NRG3: variants seen among roughly 807,000 people sequenced by gnomAD.
The protein encoded by NRG3 is neuregulin 3.
Under a neutral mutation model 66.9 loss-of-function variants are expected in NRG3, and 31 were observed. The observed-to-expected ratio is 0.46, with a 90% CI of 0.35 to 0.63. NRG3 has a LOEUF of 0.63. Among genes scored for constraint, NRG3 ranks in the 20% least tolerant of loss-of-function variants. NRG3 has a pLI of 0.00. For missense variants in NRG3, 910 were observed against 878.9 expected, an observed-to-expected ratio of 1.04 and a Z score of -0.45; for synonymous variants, 393 against 359.4, an observed-to-expected ratio of 1.09 and a Z score of -1.06.
chr10:82,402,146 A>T (rs573279694), intron 2 of NRG3, among the ~76,000 whole-genome samples: 1 of 152,232 alleles, frequency 6.6e-6, no homozygotes, highest in South Asian at 2.1e-4. Context: ...TTAGCCTCTT[A>T]TGTTATCATA....
At position 81,875,929 on chromosome 10, in the gene NRG3, A is replaced by C; in HGVS notation, c.589A>C (p.Thr197Pro). Residue 197 changes from threonine (T) to proline (P), a missense_variant, in exon 1 of 9, where the codon ACG (threonine) becomes CCG (proline). Thr to Pro is a conservative substitution (Grantham distance 38). Transcript: ENST00000372141. The surrounding 1 kb of genome is among the most constrained non-coding windows in gnomAD (Gnocchi z 5.3). The part of the protein sequence containing the change: ...TAAPATVPST[T>P]APFFSSSTLG... ...GGCCCCTGCGACGGTCCCGTCCACC[A>C]CGGCCCCGTTCTTCAGTAGCAGCAC... 1.2e-6 allele frequency: 2 copies of C among 1,613,498 alleles called. No individual in the cohort carries two copies. Among genetic ancestry groups the C allele is most frequent in the Non-Finnish European group, 1.7e-6 (2 of 1,179,990 alleles).
At chr10:82,320,868 A>C (rs2081533693) in intron 1 of NRG3, among the ~76,000 whole-genome samples, 1 of 152,108 alleles carries the variant, frequency 6.6e-6, no homozygotes, top group African/African-American at 2.4e-5. Flanking sequence ...TATCTGCTAT[A>C]CTTTGCTCAT....
rs932953590 is a variant in NRG3, at chr10:82,228,136, A to G, written c.824-130603A>G. Reference sequence around the variant, plus strand: ...CCCAGACCCCATAGAGAGACCTGGGACACTTCTAATTTATGAATGCAATTT... The same window carrying G: ...CCCAGACCCCATAGAGAGACCTGGGGCACTTCTAATTTATGAATGCAATTT... On this transcript the variant is annotated intron_variant, in intron 1 of 8. Transcript: ENST00000372141. Among the ~76,000 whole-genome samples, 11 of 152,202 alleles carry G rather than the reference A, an allele frequency of 7.2e-5. No homozygotes were observed. The East Asian group carries it at 9.6e-4, about 13-fold the overall frequency.
Position 82,693,497 on chromosome 10 carries a change from C to T in NRG3, c.954-45080C>T, listed in dbSNP as rs536205096. ...CCTGGTACACATCGTGGCTCCATGT[C>T]TTACCAGCGGTGTGACTGTGTGTGA... is the stretch of plus-strand genomic sequence containing the variant. On this transcript the variant is annotated intron_variant, in intron 2 of 8. Coordinates refer to ENST00000372141, the MANE Select transcript of NRG3 (RefSeq NM_001010848.4). Among the ~76,000 whole-genome samples the T allele has an allele frequency of 1.4e-3, 219 of 152,308 alleles. 1 individual carries two copies. The highest frequency in any genetic ancestry group is 6.8e-3 in the Middle Eastern group (2 of 294).
chr10:81,911,228 A>G (rs1290485484), intron 1 of NRG3, among the ~76,000 whole-genome samples: 1 of 152,190 alleles, frequency 6.6e-6, no homozygotes, highest in East Asian at 1.9e-4. Context: ...AAAATGTGCC[A>G]GTTAGTCAAG....
intron 3 of NRG3, among the ~76,000 whole-genome samples, chr10:82,746,001 G>A (rs772622428): frequency 7.9e-5 from 12 of 152,088 alleles, no homozygotes; most frequent in Admixed American, 2.6e-4. Context: ...AAGTGAGCTT[G>A]CCTCAGCCTC....
intron 2 of NRG3, among the ~76,000 whole-genome samples, chr10:82,628,113 A>T (rs1009486286): frequency 6.6e-6 from 1 of 152,188 alleles, no homozygotes; most frequent in Admixed American, 6.5e-5. Flanking sequence ...ACACTACATT[A>T]TATTGTGAGG....
intron 2 of NRG3, among the ~76,000 whole-genome samples, chr10:82,727,673 A>G (rs2057677398): frequency 6.6e-6 from 1 of 152,180 alleles, no homozygotes; most frequent in African/African-American, 2.4e-5. Flanking sequence ...TGAGGCCTTC[A>G]CACAGAGTCC....
intron 2 of NRG3, among the ~76,000 whole-genome samples, chr10:82,469,086 T>C (rs758688033): frequency 6.6e-6 from 1 of 152,148 alleles, no homozygotes; most frequent in Non-Finnish European, 1.5e-5. Flanking sequence ...CCTAAATAAG[T>C]TTGTAAGGGA....
intron 1 of NRG3, among the ~76,000 whole-genome samples, chr10:82,038,291 T>C (rs985350274): frequency 3.9e-5 from 6 of 152,142 alleles, no homozygotes; most frequent in African/African-American, 1.4e-4. Flanking sequence ...TCCTTTACTG[T>C]CTATACACGG....
intron 1 of NRG3, among the ~76,000 whole-genome samples, chr10:81,909,297 T>A (rs183888316): frequency 1.3e-5 from 2 of 152,318 alleles, no homozygotes; most frequent in Admixed American, 1.3e-4. Context: ...AGTCTGACCT[T>A]ATTTTCATTG....
chr10:82,018,139 C>T (rs528807786), intron 1 of NRG3, among the ~76,000 whole-genome samples: 8 of 152,162 alleles, frequency 5.3e-5, no homozygotes, highest in South Asian at 2.1e-4. Flanking sequence ...ATCCAGTTTC[C>T]GCTTTCTACC....
chr10:82,242,762 ATGT>A (rs1363404752), intron 1 of NRG3, among the ~76,000 whole-genome samples: 1 of 152,132 alleles, frequency 6.6e-6, no homozygotes, highest in Admixed American at 6.6e-5. Flanking sequence ...TGTTTCCCAA[ATGT>A]TGTGTTTCTG....
At chr10:82,095,995 C>T (rs2066315291) in intron 1 of NRG3, among the ~76,000 whole-genome samples, 1 of 152,042 alleles carries the variant, frequency 6.6e-6, no homozygotes, top group Non-Finnish European at 1.5e-5. Context: ...AGAAACTGAC[C>T]TGCATAATGT....
At chr10:82,749,177 G>T (rs111849603) in intron 3 of NRG3, among the ~76,000 whole-genome samples, 246 of 152,164 alleles carry the variant, frequency 1.6e-3, no homozygotes, top group Non-Finnish European at 3.0e-3. Flanking sequence ...GGAAGGCTTT[G>T]CTGCAAGCCA....
chr10:82,420,535 T>C (rs930356873), intron 2 of NRG3, among the ~76,000 whole-genome samples: 2 of 152,106 alleles, frequency 1.3e-5, no homozygotes, highest in African/African-American at 4.8e-5. Flanking sequence ...AAGTATCTTT[T>C]CCTCCCAGAA....
chr10:82,623,124 T>C (rs1432429421), intron 2 of NRG3, among the ~76,000 whole-genome samples: 1 of 152,174 alleles, frequency 6.6e-6, no homozygotes, highest in Non-Finnish European at 1.5e-5. Flanking sequence ...ACAATGGCAA[T>C]GCCAACTGAA....
At chr10:82,731,472 A>C (rs2134652512) in intron 2 of NRG3, among the ~76,000 whole-genome samples, 1 of 151,990 alleles carries the variant, frequency 6.6e-6, no homozygotes, top group East Asian at 1.9e-4. Flanking sequence ...TCTCTGCTTC[A>C]GTGAGTTCAA....
chr10:82,418,467 A>T (rs2088789249), intron 2 of NRG3, among the ~76,000 whole-genome samples: 1 of 152,128 alleles, frequency 6.6e-6, no homozygotes, highest in Non-Finnish European at 1.5e-5. Flanking sequence ...TGAAAAGAGG[A>T]GGTAAGAAGG....
Sources: allele counts gnomAD v4.1 joint callset (sites outside exome capture counted in the v4.1 genomes callset), GRCh38; gene constraint gnomAD v4.1.1; non-coding constraint Gnocchi (gnomAD v3.1); transcripts MANE v1.5; gene names NCBI Gene and HGNC (gene_info 2026-07-23, HGNC 2026-07-21).